PDZD2: variants seen among roughly 807,000 people sequenced by gnomAD.
The protein encoded by PDZD2 is PDZ domain containing 2.
In PDZD2, 90 loss-of-function variants were observed where a neutral mutation model predicts 220.7. That is an observed-to-expected ratio of 0.41 (90% CI 0.34 to 0.49). The LOEUF (loss-of-function observed/expected upper bound fraction) is 0.49, where lower values mean the gene tolerates loss of function less well. Ranked by LOEUF, PDZD2 falls within the 20% of genes least tolerant of loss-of-function variation. The pLI is 0.28. For synonymous variants in PDZD2, 1,375 were observed against 1,450.5 expected (o/e 0.95, Z 1.18); for missense variants, 3,174 against 3,608.5 (o/e 0.88, Z 3.08).
chr5:31,771,531 A>C (rs1324853059), intron 1 of PDZD2, among the ~76,000 whole-genome samples: 1 of 152,176 alleles, frequency 6.6e-6, no homozygotes, highest in Admixed American at 6.5e-5. Flanking sequence ...AGTTAAGATG[A>C]GGTCTGGCAG....
At chr5:31,786,367 A>G (rs1170201453) in intron 1 of PDZD2, among the ~76,000 whole-genome samples, 1 of 151,096 alleles carries the variant, frequency 6.6e-6, no homozygotes, top group African/African-American at 2.4e-5. Flanking sequence ...ATTGTACCCC[A>G]CCCCCCAGGC....
chr5:31,781,280 G>T (rs1753048290), intron 1 of PDZD2, among the ~76,000 whole-genome samples: 1 of 152,322 alleles, frequency 6.6e-6, no homozygotes, highest in East Asian at 1.9e-4. Flanking sequence ...TGGGTGTGGT[G>T]GTGCACGTCT....
intron 2 of PDZD2, among the ~76,000 whole-genome samples, chr5:31,833,362 G>A (rs148399508): frequency 3.3e-5 from 5 of 152,108 alleles, no homozygotes; most frequent in Admixed American, 6.6e-5. Flanking sequence ...CAGCTACTGA[G>A]GAAGCTAAGG....
intron 1 of PDZD2, among the ~76,000 whole-genome samples, chr5:31,739,679 T>C (rs1750133837): frequency 6.6e-6 from 1 of 152,182 alleles, no homozygotes. Flanking sequence ...GAGCTGAAGG[T>C]CTTGGATATT....
In PDZD2 at chr5:32,053,846, A is replaced by G; in HGVS notation, c.1863A>G (p.Pro621=). ...GGATTTTTGTCAAGACCATCTTCCC[A>G]AATGGATCAGCTGCAGAGGACGGAA... ...QMGIFVKTIF[P]NGSAAEDGRL... is the part of the protein sequence containing the mutation. Residue 621 remains proline (P), a synonymous_variant, in exon 10 of 25, where the codon CCA becomes CCG. Coordinates refer to ENST00000438447, the MANE Select transcript of PDZD2 (RefSeq NM_178140.4). 1 of 1,612,044 alleles carries G rather than the reference A, an allele frequency of 6.2e-7. No homozygotes were observed. The highest frequency in any genetic ancestry group is 8.5e-7 in the Non-Finnish European group (1 of 1,178,088).
intron 2 of PDZD2, chr5:31,822,969 C>A (rs926932737): frequency 2.6e-6 from 3 of 1,132,986 alleles, no homozygotes; most frequent in Non-Finnish European, 3.8e-6. Context: ...ATTTGTCAAC[C>A]CGGGGCCTCT....
chr5:31,919,860 T>TTG (rs1744051023), intron 2 of PDZD2, among the ~76,000 whole-genome samples: 1 of 148,880 alleles, frequency 6.7e-6, no homozygotes, highest in Non-Finnish European at 1.5e-5. Context: ...AAAAAACAAT[T>TTG]TTTTTTTTTA....
intron 1 of PDZD2, among the ~76,000 whole-genome samples, chr5:31,729,981 C>G (rs1458022380): frequency 6.6e-6 from 1 of 152,172 alleles, no homozygotes; most frequent in African/African-American, 2.4e-5. Context: ...GCACATGCCA[C>G]CACGCCCAGC....
At chr5:31,673,056 T>C (rs1746277821) in intron 1 of PDZD2, among the ~76,000 whole-genome samples, 1 of 152,196 alleles carries the variant, frequency 6.6e-6, no homozygotes, top group South Asian at 2.1e-4. Flanking sequence ...GAAAGAAAAG[T>C]GGCTACTGCC....
intron 7 of PDZD2, among the ~76,000 whole-genome samples, chr5:32,039,337 C>T (rs1755832696): frequency 6.6e-6 from 1 of 151,886 alleles, no homozygotes; most frequent in Non-Finnish European, 1.5e-5. Flanking sequence ...CAGCTCCTGG[C>T]CTCAGGTGAT....
At chr5:32,022,473 C>T (rs554086463) in intron 6 of PDZD2, among the ~76,000 whole-genome samples, 9 of 151,862 alleles carry the variant, frequency 5.9e-5, no homozygotes, top group African/African-American at 2.2e-4. Context: ...TCCCAAAGTG[C>T]TGGGATTATA....
intron 1 of PDZD2, among the ~76,000 whole-genome samples, chr5:31,713,529 G>A (rs900143372): frequency 3.3e-5 from 5 of 152,158 alleles, no homozygotes; most frequent in Non-Finnish European, 1.5e-5. Context: ...CTAACGTTGG[G>A]CCTAACTGGA....
intron 1 of PDZD2, among the ~76,000 whole-genome samples, chr5:31,679,192 G>C (rs1279819084): frequency 1.3e-5 from 2 of 152,242 alleles, no homozygotes; most frequent in Non-Finnish European, 1.5e-5. Flanking sequence ...GAATTGACAG[G>C]TGCCTGTTCT....
intron 1 of PDZD2, among the ~76,000 whole-genome samples, chr5:31,749,857 C>A (rs916195855): frequency 5.3e-5 from 8 of 152,162 alleles, no homozygotes; most frequent in African/African-American, 1.9e-4. Flanking sequence ...GTGAGCCGCG[C>A]GTGGCTTCCC....
rs1479040935 is a variant in PDZD2 at position 32,098,658 on chromosome 5, A to G, written c.8218+24A>G. ...TGGTAAGATGATCATTTCAACAACC[A>G]GCAGGCTGTGAGCTACTGCAGAAAG... On this transcript the variant is annotated intron_variant, in intron 23 of 24. Coordinates refer to ENST00000438447, the MANE Select transcript of PDZD2 (RefSeq NM_178140.4). The surrounding 1 kb of genome is among the most constrained non-coding windows in gnomAD (Gnocchi z 4.1). The G allele has an allele frequency of 6.2e-7, 1 of 1,600,384 alleles. No homozygotes were observed. The highest frequency in any genetic ancestry group is 1.7e-5 in the Admixed American group (1 of 58,692).
intron 10 of PDZD2, among the ~76,000 whole-genome samples, chr5:32,057,119 G>GT (rs1581391035): frequency 6.6e-6 from 1 of 151,968 alleles, no homozygotes; most frequent in East Asian, 1.9e-4. Context: ...TTTTTTTTTA[G>GT]TAAAAAAAAG....
intron 1 of PDZD2, among the ~76,000 whole-genome samples, chr5:31,751,670 A>G (rs1750980754): frequency 6.6e-6 from 1 of 152,270 alleles, no homozygotes; most frequent in South Asian, 2.1e-4. Context: ...GTGCTGCATT[A>G]AATACCGGGG....
At chr5:31,984,937 T>G (rs1691711916) in intron 3 of PDZD2, among the ~76,000 whole-genome samples, 1 of 152,172 alleles carries the variant, frequency 6.6e-6, no homozygotes, top group Admixed American at 6.5e-5. Context: ...TTGAAAAGAA[T>G]TACAATAGCC....
intron 2 of PDZD2, among the ~76,000 whole-genome samples, chr5:31,835,098 G>C (rs1756867767): frequency 6.6e-6 from 1 of 152,082 alleles, no homozygotes; most frequent in Non-Finnish European, 1.5e-5. Flanking sequence ...TCACCTCTTA[G>C]ATGATTTTGA....
Sources: gnomAD v4.1 joint callset for allele counts (sites outside exome capture counted in the v4.1 genomes callset) on GRCh38, gnomAD v4.1.1 for gene constraint, Gnocchi (gnomAD v3.1) non-coding constraint, MANE v1.5 for transcripts, NCBI Gene and HGNC (gene_info 2026-07-23, HGNC 2026-07-21) for gene names.